CPQ: variants seen among roughly 807,000 people sequenced by gnomAD.
The protein encoded by CPQ is Ser-Met dipeptidase.
A neutral mutation model predicts 45.7 loss-of-function variants in CPQ; 37 were observed. The ratio of observed to expected loss-of-function variants is 0.81; its 90% CI spans 0.62 to 1.07. The LOEUF is 1.07. Among genes scored for constraint, CPQ ranks in the 50% least tolerant of loss-of-function variants. The probability of loss-of-function intolerance (pLI) is 0.00; values close to 1 mark genes in which losing one functional copy is unlikely to be tolerated. For synonymous variants in CPQ, 186 were observed against 205.8 expected (o/e 0.90, Z 0.82); for missense variants, 537 against 572.9 (o/e 0.94, Z 0.64).
At chr8:97,063,550 C>T (rs1275457664) in intron 6 of CPQ, among the ~76,000 whole-genome samples, 2 of 152,060 alleles carry the variant, frequency 1.3e-5, no homozygotes, top group Non-Finnish European at 2.9e-5. Context: ...TTGCTAGTTC[C>T]TATGTCCAGA....
chr8:96,858,221 G>C (rs1811875444), intron 3 of CPQ, among the ~76,000 whole-genome samples: 1 of 152,040 alleles, frequency 6.6e-6, no homozygotes, highest in Non-Finnish European at 1.5e-5. Context: ...ATACTTCCTG[G>C]GGGGAATCCA....
intron 4 of CPQ, among the ~76,000 whole-genome samples, chr8:96,935,637 G>T (rs771606137): frequency 6.6e-6 from 1 of 152,166 alleles, no homozygotes; most frequent in Non-Finnish European, 1.5e-5. Flanking sequence ...TTAGCCTTTT[G>T]TGAAGGACTG....
At chr8:97,048,719 C>T (rs1810303831) in intron 6 of CPQ, among the ~76,000 whole-genome samples, 1 of 152,132 alleles carries the variant, frequency 6.6e-6, no homozygotes, top group African/African-American at 2.4e-5. Flanking sequence ...GCTGCCAAAG[C>T]CTAATACAAC....
intron 3 of CPQ, among the ~76,000 whole-genome samples, chr8:96,838,867 C>A (rs1811567342): frequency 1.3e-5 from 2 of 152,010 alleles, no homozygotes; most frequent in Admixed American, 6.6e-5. Context: ...ACAACTTGAA[C>A]TTTTAGGGTA....
intron 1 of CPQ, among the ~76,000 whole-genome samples, chr8:96,709,996 T>C (rs1490736104): frequency 6.6e-6 from 1 of 152,168 alleles, no homozygotes; most frequent in Non-Finnish European, 1.5e-5. Flanking sequence ...ATTTCCCCTA[T>C]GAATCTCTCT....
intron 1 of CPQ, among the ~76,000 whole-genome samples, chr8:96,740,017 A>T (rs1810059919): frequency 6.6e-6 from 1 of 152,162 alleles, no homozygotes; most frequent in Non-Finnish European, 1.5e-5. Context: ...TGGTAGCTTC[A>T]TGGGGATGGC....
At chr8:96,746,103 A>G (rs187947864) in intron 1 of CPQ, among the ~76,000 whole-genome samples, 20 of 152,286 alleles carry the variant, frequency 1.3e-4, no homozygotes, top group Admixed American at 4.6e-4. Flanking sequence ...TGTGATGTGT[A>G]CAGGTGGGGA....
chr8:96,989,895 T>C (rs1809059203), intron 5 of CPQ, among the ~76,000 whole-genome samples: 2 of 152,116 alleles, frequency 1.3e-5, no homozygotes, highest in Non-Finnish European at 2.9e-5. Flanking sequence ...AGAGAGAATG[T>C]GGTCTATGCA....
chr8:96,794,245 T>G (rs1228162720), intron 2 of CPQ, among the ~76,000 whole-genome samples: 5 of 152,184 alleles, frequency 3.3e-5, no homozygotes, highest in Non-Finnish European at 4.4e-5. Context: ...CTCTGAAATC[T>G]AGGTGGAGGT....
At chr8:96,996,687 G>C (rs759705475) in intron 5 of CPQ, among the ~76,000 whole-genome samples, 5 of 151,770 alleles carry the variant, frequency 3.3e-5, no homozygotes, top group African/African-American at 7.3e-5. Context: ...TTTTATAATT[G>C]GTTCCTGTTT....
chr8:97,081,208 A>AT (rs1810944597), intron 7 of CPQ, among the ~76,000 whole-genome samples: 1 of 152,160 alleles, frequency 6.6e-6, no homozygotes, highest in South Asian at 2.1e-4. Context: ...CTTTAGCACT[A>AT]TACTGCGAAG....
chr8:97,040,977 G>A (rs1810111265), intron 6 of CPQ, among the ~76,000 whole-genome samples: 1 of 151,640 alleles, frequency 6.6e-6, no homozygotes, highest in African/African-American at 2.4e-5. Flanking sequence ...GCTCTTTTTT[G>A]GTTCCATATG....
At chr8:96,689,913 T>C (rs1052843763) in intron 1 of CPQ, among the ~76,000 whole-genome samples, 14 of 152,300 alleles carry the variant, frequency 9.2e-5, no homozygotes, top group Middle Eastern at 3.4e-3. Flanking sequence ...TGATCACTTT[T>C]TAAATTTGTG....
At chr8:96,802,268 A>G (rs763555065) in intron 2 of CPQ, among the ~76,000 whole-genome samples, 7 of 152,254 alleles carry the variant, frequency 4.6e-5, no homozygotes, top group East Asian at 1.9e-4. Flanking sequence ...TAGAGCTTCT[A>G]TCTTTTTTTT....
At chr8:97,118,050 A>G (rs1455103360) in intron 7 of CPQ, among the ~76,000 whole-genome samples, 1 of 152,228 alleles carries the variant, frequency 6.6e-6, no homozygotes, top group Non-Finnish European at 1.5e-5. Flanking sequence ...CAGTGTGCCA[A>G]TAAGAGTTTT....
intron 4 of CPQ, among the ~76,000 whole-genome samples, chr8:96,929,795 C>G (rs1291024859): frequency 6.6e-6 from 1 of 152,132 alleles, no homozygotes; most frequent in Non-Finnish European, 1.5e-5. Flanking sequence ...CTGAAAGCAT[C>G]CACTGAAAAA....
intron 1 of CPQ, among the ~76,000 whole-genome samples, chr8:96,694,623 C>A (rs928166555): frequency 4.6e-5 from 7 of 151,934 alleles, no homozygotes; most frequent in African/African-American, 1.7e-4. Flanking sequence ...ACAAGAGGAA[C>A]TTTGGAAACA....
chr8:96,920,811 A>G (rs956631631), intron 4 of CPQ, among the ~76,000 whole-genome samples: 1 of 152,174 alleles, frequency 6.6e-6, no homozygotes, highest in South Asian at 2.1e-4. Flanking sequence ...TCTGCAAGCC[A>G]CAGAAAGAGA....
chr8:97,095,108 A>T (rs1051007192), intron 7 of CPQ, among the ~76,000 whole-genome samples: 1 of 151,980 alleles, frequency 6.6e-6, no homozygotes, highest in Non-Finnish European at 1.5e-5. Flanking sequence ...ATATGCTAGG[A>T]TCTCATCCTT....
Sources: allele counts gnomAD v4.1 joint callset (sites outside exome capture counted in the v4.1 genomes callset), GRCh38; gene constraint gnomAD v4.1.1; transcripts MANE v1.5; gene names NCBI Gene and HGNC (gene_info 2026-07-23, HGNC 2026-07-21).